LDLRAD3: variants seen among roughly 807,000 people sequenced by gnomAD.
The protein encoded by LDLRAD3 is low-density lipoprotein receptor class A domain-containing protein 3.
Under a neutral mutation model 29.4 loss-of-function variants are expected in LDLRAD3, and 20 were observed. The ratio of observed to expected loss-of-function variants is 0.68; its 90% confidence interval spans 0.48 to 0.99. LDLRAD3 has a LOEUF of 0.99. Ranked by LOEUF, LDLRAD3 falls within the 50% of genes least tolerant of loss-of-function variation. The probability of loss-of-function intolerance (pLI) is 0.00; values close to 1 mark genes in which losing one functional copy is unlikely to be tolerated. For synonymous variants in LDLRAD3, 157 were observed against 192.7 expected, an observed-to-expected ratio of 0.81 and a Z score of 1.53; for missense variants, 420 against 454.3, an observed-to-expected ratio of 0.92 and a Z score of 0.69.
rs1477537377 is a variant in LDLRAD3, at chr11:35,965,919, A to ATT, written c.46+21776_46+21777dup. 5.9e-5 allele frequency among the ~76,000 whole-genome samples: 9 copies of ATT among 152,334 alleles called. No homozygotes were observed. The East Asian group carries it at 1.5e-3, about 26-fold the overall frequency. On this transcript the variant is annotated intron_variant, in intron 1 of 5. Transcript: ENST00000315571. The stretch of plus-strand genomic sequence containing the variant: ...TTTATCAAATACCTTTATGACCAAC[A>ATT]TTATTTTATAGCAGATCCTGACTGT...
chr11:36,006,137 G>T (rs1851882347), intron 1 of LDLRAD3, among the ~76,000 whole-genome samples: 1 of 152,116 alleles, frequency 6.6e-6, no homozygotes, highest in Admixed American at 6.5e-5. Flanking sequence ...AGACCTCAAT[G>T]GTGGGTAGCA....
At chr11:35,979,452 G>T (rs1484192857) in intron 1 of LDLRAD3, among the ~76,000 whole-genome samples, 2 of 152,222 alleles carry the variant, frequency 1.3e-5, no homozygotes, top group Non-Finnish European at 2.9e-5. Context: ...ATTGATGGTG[G>T]AAGGGTGTGG....
chr11:36,219,321 G>T (rs1228075844), intron 4 of LDLRAD3, among the ~76,000 whole-genome samples: 2 of 152,022 alleles, frequency 1.3e-5, no homozygotes, highest in Non-Finnish European at 2.9e-5. Context: ...TTTAAATAAT[G>T]AACATGGATT....
intron 1 of LDLRAD3, among the ~76,000 whole-genome samples, chr11:36,022,331 AC>A (rs1165934449): frequency 2.0e-5 from 3 of 152,224 alleles, no homozygotes; most frequent in South Asian, 4.1e-4. Context: ...GAATTATAAC[AC>A]CTTTAAGAAA....
At chr11:35,953,848 A>C (rs1029970804) in intron 1 of LDLRAD3, among the ~76,000 whole-genome samples, 1 of 152,200 alleles carries the variant, frequency 6.6e-6, no homozygotes, top group Admixed American at 6.5e-5. Context: ...TGTTTCAAAA[A>C]CAGATTGATA....
At chr11:36,149,599 G>T (rs1006397642) in intron 4 of LDLRAD3, among the ~76,000 whole-genome samples, 63 of 152,188 alleles carry the variant, frequency 4.1e-4, no homozygotes, top group Admixed American at 4.0e-3. Context: ...CTATCTACCT[G>T]TTGAAAATGT....
At chr11:36,133,089 T>C (rs1000487571) in intron 4 of LDLRAD3, among the ~76,000 whole-genome samples, 25 of 152,278 alleles carry the variant, frequency 1.6e-4, no homozygotes, top group African/African-American at 5.5e-4. Context: ...GTTTACCTTT[T>C]ATCTGGAAAC....
chr11:36,120,387 A>G (rs1853738425), intron 4 of LDLRAD3, among the ~76,000 whole-genome samples: 1 of 152,212 alleles, frequency 6.6e-6, no homozygotes, highest in Non-Finnish European at 1.5e-5. Flanking sequence ...TGATAGTTGT[A>G]GCAGTAGTTG....
intron 1 of LDLRAD3, among the ~76,000 whole-genome samples, chr11:35,961,069 G>A (rs1851271643): frequency 1.3e-5 from 2 of 152,206 alleles, no homozygotes; most frequent in South Asian, 4.1e-4. Flanking sequence ...GAACGTCCAG[G>A]CCCCAGCTCT....
intron 1 of LDLRAD3, among the ~76,000 whole-genome samples, chr11:36,023,976 C>T (rs777985735): frequency 3.3e-5 from 5 of 152,198 alleles, no homozygotes; most frequent in Admixed American, 2.6e-4. Context: ...GACACACAGC[C>T]AGGGTCTGCA....
chr11:36,098,349 C>T lies in LDLRAD3; in HGVS notation c.342C>T (p.Ser114=). The T allele has an allele frequency of 6.2e-7, 1 of 1,614,136 alleles. No individual in the cohort carries two copies. The highest frequency in any genetic ancestry group is 1.1e-5 in the South Asian group (1 of 91,072). Residue 114 remains serine (S), a synonymous_variant, in exon 4 of 6, where the codon TCC becomes TCT. Coordinates refer to ENST00000315571, the MANE Select transcript of LDLRAD3 (RefSeq NM_174902.4). ...CAGCAGCAAACCCTCTGCTTTGCTC[C>T]ACCGCCCGCTACCACTGCAAGAACG... ...ENCTANPLLC[S]TARYHCKNGL...
chr11:36,114,036 G>A (rs1177573980), intron 4 of LDLRAD3, among the ~76,000 whole-genome samples: 1 of 152,220 alleles, frequency 6.6e-6, no homozygotes, highest in Non-Finnish European at 1.5e-5. Context: ...TGAAAAGGCA[G>A]AAAGGGAGAT....
chr11:35,950,714 C>T (rs1851121074), intron 1 of LDLRAD3, among the ~76,000 whole-genome samples: 1 of 152,136 alleles, frequency 6.6e-6, no homozygotes, highest in African/African-American at 2.4e-5. Flanking sequence ...TGAAGGTTTA[C>T]TCTGTCTGGC....
rs1017931035 is a variant in LDLRAD3 at position 36,151,059 on chromosome 11, C to G, written c.454+52598C>G. ...ACATGCACCCATAGGCACCTCTGAA[C>G]AATCCTTGGTTTCCCACCTTTCAGG... On this transcript the variant is annotated intron_variant, in intron 4 of 5. Coordinates refer to ENST00000315571, the MANE Select transcript of LDLRAD3 (RefSeq NM_174902.4). 5.0e-4 allele frequency among the ~76,000 whole-genome samples: 76 copies of G among 152,208 alleles called. 1 individual carries two copies. Among genetic ancestry groups the G allele is most frequent in the African/African-American group, 1.8e-3 (74 of 41,470 alleles).
chr11:36,030,003 C>T (rs547900679), intron 1 of LDLRAD3, among the ~76,000 whole-genome samples: 72 of 152,234 alleles, frequency 4.7e-4, no homozygotes, highest in South Asian at 1.2e-3. Flanking sequence ...CTGGGCTGAA[C>T]CCAGGGGTCA....
intron 4 of LDLRAD3, among the ~76,000 whole-genome samples, chr11:36,206,270 T>C (rs1332481578): frequency 6.6e-6 from 1 of 152,212 alleles, no homozygotes; most frequent in Non-Finnish European, 1.5e-5. Flanking sequence ...TATTACTACA[T>C]ATTAGCTTTA....
chr11:36,023,302 G>T (rs895415282), intron 1 of LDLRAD3, among the ~76,000 whole-genome samples: 2 of 152,174 alleles, frequency 1.3e-5, no homozygotes, highest in African/African-American at 4.8e-5. Flanking sequence ...CATAGGGAAC[G>T]GGAGGTAGGT....
intron 4 of LDLRAD3, among the ~76,000 whole-genome samples, chr11:36,184,365 AAT>A (rs1267228802): frequency 6.6e-6 from 1 of 152,158 alleles, no homozygotes; most frequent in Non-Finnish European, 1.5e-5. Flanking sequence ...GAAATTTAGT[AAT>A]ATGTTTATGA....
At chr11:36,070,179 T>C (rs112755595) in intron 2 of LDLRAD3, among the ~76,000 whole-genome samples, 11 of 152,364 alleles carry the variant, frequency 7.2e-5, no homozygotes, top group African/African-American at 2.4e-4. Context: ...AATAGAATGC[T>C]TAGGAATATT....
Sources: allele counts gnomAD v4.1 joint callset (sites outside exome capture counted in the v4.1 genomes callset), GRCh38; gene constraint gnomAD v4.1.1; transcripts MANE v1.5; gene names NCBI Gene and HGNC (gene_info 2026-07-23, HGNC 2026-07-21).